ARHGEF10: variants seen among roughly 807,000 people sequenced by gnomAD.
ARHGEF10 encodes the protein Rho guanine nucleotide exchange factor 10.
In ARHGEF10, 140 loss-of-function variants were observed where a neutral mutation model predicts 147.4. The observed-to-expected ratio is 0.95, with a 90% CI of 0.83 to 1.09. The LOEUF (loss-of-function observed/expected upper bound fraction) is 1.09. Ranked by LOEUF, ARHGEF10 falls within the 50% of genes least tolerant of loss-of-function variation. ARHGEF10 has a pLI of 0.00. For missense variants in ARHGEF10, 2,222 were observed against 1,752.7 expected (o/e 1.27, Z -4.78); for synonymous variants, 902 against 695.8 (o/e 1.30, Z -4.67).
intron 27 of ARHGEF10, 36 bp downstream of exon 27, chr8:1,945,691 C>G: frequency 6.2e-7 from 1 of 1,612,488 alleles, no homozygotes; most frequent in Non-Finnish European, 8.5e-7. Flanking sequence ...GATGGGACAG[C>G]AACCGGGGAC....
intron 1 of ARHGEF10, among the ~76,000 whole-genome samples, chr8:1,833,079 GA>G (rs1255604995): frequency 3.7e-5 from 2 of 54,228 alleles, no homozygotes; most frequent in African/African-American, 1.5e-4. Context: ...CAGAGGCAGA[GA>G]GACAGAGACA....
intron 23 of ARHGEF10, 84 bp downstream of exon 23, chr8:1,926,547 T>C (rs1812708253): frequency 7.7e-7 from 1 of 1,299,998 alleles, no homozygotes; most frequent in Non-Finnish European, 1.1e-6. Flanking sequence ...GAGATGTGAA[T>C]TGCTCAGTAG....
intron 25 of ARHGEF10, among the ~76,000 whole-genome samples, chr8:1,932,271 G>GGGTGTGCATTGTGTGAGCAGGTGT (rs797002519): frequency 1.1e-4 from 17 of 152,048 alleles, no homozygotes; most frequent in African/African-American, 4.1e-4. Flanking sequence ...GAGTGTGAGG[G>GGGTGTGCATTGTGTGAGCAGGTGT]GTGTGCATTG....
chr8:1,876,800 A>G, intron 8 of ARHGEF10, 66 bp downstream of exon 8: 3 of 1,548,098 alleles, frequency 1.9e-6, no homozygotes, highest in Non-Finnish European at 2.7e-6. Flanking sequence ...GGCTGTGAAT[A>G]TGATTGTGAT....
intron 2 of ARHGEF10, among the ~76,000 whole-genome samples, chr8:1,848,134 A>C (rs1315265631): frequency 6.6e-6 from 1 of 152,144 alleles, no homozygotes; most frequent in Non-Finnish European, 1.5e-5. Flanking sequence ...GAAAACAGAA[A>C]ATTGAAGTGT....
At chr8:1,928,869 T>A (rs889124356) in intron 24 of ARHGEF10, among the ~76,000 whole-genome samples, 4 of 152,244 alleles carry the variant, frequency 2.6e-5, no homozygotes, top group Admixed American at 2.0e-4. Flanking sequence ...AGAGAAGTGG[T>A]ATTTCTTTAA....
intron 2 of ARHGEF10, among the ~76,000 whole-genome samples, chr8:1,850,203 TGG>T (rs1804993174): frequency 1.1e-5 from 1 of 91,234 alleles, no homozygotes; most frequent in Non-Finnish European, 2.7e-5. Context: ...GGCGGCCACA[TGG>T]GCATGGATGG....
At chr8:1,866,363 A>G (rs1328213180) in intron 5 of ARHGEF10, among the ~76,000 whole-genome samples, 163 bp from the exon 6 acceptor site, 1 of 152,212 alleles carries the variant, frequency 6.6e-6, no homozygotes, top group Non-Finnish European at 1.5e-5. Context: ...GGGATGTCCT[A>G]TAATAATAGC....
rs1347009306 is a variant in ARHGEF10, at chr8:1,888,258, ATG to A, written c.1182+2552_1182+2553del. On this transcript the variant is annotated intron_variant, in intron 11 of 28. Coordinates refer to ENST00000349830, the MANE Select transcript of ARHGEF10 (RefSeq NM_014629.4). Reference sequence around the variant, plus strand: ...TGAGTGTGGTGAGGGTTGCGAGGAGATGCTGAGTGGGGCTGTAGGTTCTGAGG... The same window carrying A: ...TGAGTGTGGTGAGGGTTGCGAGGAGACTGAGTGGGGCTGTAGGTTCTGAGG... Among the ~76,000 whole-genome samples the A allele has an allele frequency of 2.8e-4, 18 of 64,854 alleles. 2 individuals are homozygous for A. The highest frequency in any genetic ancestry group is 7.3e-4 in the African/African-American group (12 of 16,544). 42.5% of individuals were successfully genotyped at this position (64,854 alleles called of 152,430 possible).
At chr8:1,924,329 G>T (rs7386814) in intron 21 of ARHGEF10, among the ~76,000 whole-genome samples, 1 of 152,144 alleles carries the variant, frequency 6.6e-6, no homozygotes, top group Non-Finnish European at 1.5e-5. Flanking sequence ...GATCAACCCT[G>T]TGGTTTTACT....
intron 16 of ARHGEF10, among the ~76,000 whole-genome samples, chr8:1,905,283 A>G (rs889500371): frequency 6.6e-6 from 1 of 152,216 alleles, no homozygotes; most frequent in Admixed American, 6.5e-5. Context: ...TCATTTAACT[A>G]TGCTTAATTA....
chr8:1,948,694 A>G lies in ARHGEF10; in HGVS notation c.3397+3039A>G, dbSNP rs1814786559. 6.6e-6 allele frequency among the ~76,000 whole-genome samples: 1 copy of G among 152,210 alleles called. No homozygotes were observed. Among genetic ancestry groups the G allele is most frequent in the Non-Finnish European group, 1.5e-5 (1 of 68,036 alleles). ...GACTCAGAGGGAATGAGCAGGCCAG[A>G]GAGTCCTTTCCTCCAGAGAGTCCTT... is the stretch of plus-strand genomic sequence containing the variant. On this transcript the variant is annotated intron_variant, in intron 27 of 28. Transcript: ENST00000349830. This position sits in a 1 kb window ranked among gnomAD's most constrained non-coding sequence, Gnocchi z 4.9.
chr8:1,855,803 A>G (rs1805508382), intron 2 of ARHGEF10, among the ~76,000 whole-genome samples: 1 of 152,138 alleles, frequency 6.6e-6, no homozygotes, highest in Non-Finnish European at 1.5e-5. Flanking sequence ...ATTCTGTGGA[A>G]ATGACAGTTG....
At chr8:1,891,689 C>T (rs1373597641) in intron 11 of ARHGEF10, among the ~76,000 whole-genome samples, 1 of 152,088 alleles carries the variant, frequency 6.6e-6, no homozygotes, top group Non-Finnish European at 1.5e-5. Context: ...ATGGATTTCT[C>T]CTCTATGACT....
At position 1,937,893 on chromosome 8, in the gene ARHGEF10, G is replaced by T. The variant is rs779892484; in HGVS notation, c.3222+3951G>T. Among the ~76,000 whole-genome samples, 1 of 152,254 alleles carries T rather than the reference G, an allele frequency of 6.6e-6. No individual in the cohort carries two copies. The highest frequency in any genetic ancestry group is 2.1e-4 in the South Asian group (1 of 4,836). ...GCACCTGAGGCTCTGAGGCTTCGGT[G>T]TTCCTGGAGTGACTGTGCCAGTGGA... On this transcript the variant is annotated intron_variant, in intron 26 of 28. Coordinates refer to ENST00000349830, the MANE Select transcript of ARHGEF10 (RefSeq NM_014629.4). This position sits in a 1 kb window ranked among gnomAD's most constrained non-coding sequence, Gnocchi z 4.9.
At chr8:1,924,021 C>T (rs1936799310) in intron 21 of ARHGEF10, 147 bp downstream of exon 21, 1 of 813,482 alleles carries the variant, frequency 1.2e-6, no homozygotes, top group South Asian at 1.4e-5. Flanking sequence ...GAAAATTCAC[C>T]CTGGCACCGG....
At chr8:1,877,908 C>G (rs988758908) in intron 8 of ARHGEF10, among the ~76,000 whole-genome samples, 2 of 151,942 alleles carry the variant, frequency 1.3e-5, no homozygotes, top group Non-Finnish European at 2.9e-5. Flanking sequence ...TGTCGATAAC[C>G]GGTGTTATCC....
intron 13 of ARHGEF10, among the ~76,000 whole-genome samples, chr8:1,895,854 C>G (rs536633261): frequency 1.3e-5 from 2 of 152,124 alleles, no homozygotes; most frequent in African/African-American, 4.8e-5. Flanking sequence ...AAAACGAACA[C>G]GTGTAGGGCA....
chr8:1,864,908 A>C (rs1344940749), intron 5 of ARHGEF10, among the ~76,000 whole-genome samples: 2 of 152,274 alleles, frequency 1.3e-5, no homozygotes, highest in Non-Finnish European at 2.9e-5. Context: ...GATTTTATGT[A>C]AAATTAAAAA....
Sources: allele counts gnomAD v4.1 joint callset (sites outside exome capture counted in the v4.1 genomes callset), GRCh38; gene constraint gnomAD v4.1.1; non-coding constraint Gnocchi (gnomAD v3.1); transcripts MANE v1.5; gene names NCBI Gene and HGNC (gene_info 2026-07-23, HGNC 2026-07-21).